The following DENND5A variants were observed in gnomAD, a reference collection of about 807,000 sequenced individuals.
DENND5A encodes the protein DENN domain-containing protein 5A.
Under a neutral mutation model 140.3 loss-of-function variants are expected in DENND5A, and 64 were observed. The ratio of observed to expected loss-of-function variants is 0.46; its 90% CI spans 0.37 to 0.56. The LOEUF is 0.56. DENND5A is among the 20% of genes least tolerant of loss of function. The pLI, the probability that DENND5A is intolerant of heterozygous loss-of-function variation, is 0.00. For synonymous variants in DENND5A, 605 were observed against 607.7 expected, an observed-to-expected ratio of 1.00 and a Z score of 0.07; for missense variants, 1,292 against 1,593.8, an observed-to-expected ratio of 0.81 and a Z score of 3.22.
chr11:9,157,637 T>G (rs1437231235), intron 12 of DENND5A, among the ~76,000 whole-genome samples: 1 of 152,190 alleles, frequency 6.6e-6, no homozygotes, highest in Admixed American at 6.5e-5. Flanking sequence ...TCCAGCTGCA[T>G]CCATGTTGCT....
intron 5 of DENND5A, among the ~76,000 whole-genome samples, chr11:9,186,567 C>T (rs949435495): frequency 3.9e-5 from 6 of 152,202 alleles, no homozygotes; most frequent in Non-Finnish European, 8.8e-5. Flanking sequence ...TGGCTTTTCT[C>T]CCACTACTGT....
chr11:9,239,600 G>A (rs1402933541), intron 1 of DENND5A, among the ~76,000 whole-genome samples: 1 of 152,108 alleles, frequency 6.6e-6, no homozygotes, highest in Non-Finnish European at 1.5e-5. Flanking sequence ...CCAAGTAGCT[G>A]AGACTACAGG....
chr11:9,154,729 A>C (rs577999212), intron 12 of DENND5A, among the ~76,000 whole-genome samples: 1 of 136,952 alleles, frequency 7.3e-6, no homozygotes, highest in Non-Finnish European at 1.5e-5. Context: ...CAAATATTTG[A>C]AAAAAAAAAT....
chr11:9,218,270 C>CAA (rs369552032), intron 1 of DENND5A, among the ~76,000 whole-genome samples: 63 of 136,996 alleles, frequency 4.6e-4, no homozygotes, highest in African/African-American at 1.5e-3. Flanking sequence ...AAAAAATAAA[C>CAA]AAAAAAAAAA....
At chr11:9,141,169 G>A (rs865912422) in intron 22 of DENND5A, among the ~76,000 whole-genome samples, 3 of 152,118 alleles carry the variant, frequency 2.0e-5, no homozygotes, top group African/African-American at 4.8e-5. Flanking sequence ...AAGGGGCCAC[G>A]TTTTATTCAG....
rs1848169849 is a variant in DENND5A, at chr11:9,165,817, A to C, written c.2283+19T>G. On this transcript the variant is annotated intron_variant, in intron 11 of 22. Coordinates refer to ENST00000328194, the MANE Select transcript of DENND5A (RefSeq NM_015213.4). Reference sequence around the variant, plus strand: ...CTGCTAACAGAAATAGCACACATACAGAGATGTCCACAGCTTACCTTATTG... The same window carrying C: ...CTGCTAACAGAAATAGCACACATACCGAGATGTCCACAGCTTACCTTATTG... 1 of 1,613,454 alleles carries C rather than the reference A, an allele frequency of 6.2e-7. No individual in the cohort carries two copies. The highest frequency in any genetic ancestry group is 8.5e-7 in the Non-Finnish European group (1 of 1,179,530).
At chr11:9,170,977 T>C in intron 8 of DENND5A, 200 bp from the exon 9 acceptor site, 3 of 908,452 alleles carry the variant, frequency 3.3e-6, no homozygotes, top group Non-Finnish European at 4.8e-6. Context: ...ATACTGGACA[T>C]CAGGCAATGA....
At chr11:9,151,295 T>C (rs1027809794) in intron 13 of DENND5A, among the ~76,000 whole-genome samples, 1 of 152,242 alleles carries the variant, frequency 6.6e-6, no homozygotes, top group Non-Finnish European at 1.5e-5. Context: ...AATACCTTTA[T>C]ATCCTCATGT....
chr11:9,211,214 C>T (rs1849866190), intron 1 of DENND5A, among the ~76,000 whole-genome samples: 1 of 152,074 alleles, frequency 6.6e-6, no homozygotes, highest in Non-Finnish European at 1.5e-5. Context: ...CAAACCACAG[C>T]AGCTGGGAAG....
At chr11:9,159,943 A>C (rs779756406) in intron 12 of DENND5A, among the ~76,000 whole-genome samples, 1 of 152,222 alleles carries the variant, frequency 6.6e-6, no homozygotes, top group Admixed American at 6.5e-5. Flanking sequence ...GCTCTGAAGA[A>C]CATGTGTGGA....
chr11:9,144,464 T>A (rs1847354394), intron 18 of DENND5A, among the ~76,000 whole-genome samples, 186 bp from the exon 19 acceptor site: 2 of 152,178 alleles, frequency 1.3e-5, no homozygotes, highest in African/African-American at 4.8e-5. Context: ...GCCTGGGATC[T>A]GGGCACAGCA....
intron 4 of DENND5A, among the ~76,000 whole-genome samples, chr11:9,194,777 T>C (rs1449428361): frequency 6.6e-6 from 1 of 151,616 alleles, no homozygotes; most frequent in Non-Finnish European, 1.5e-5. Flanking sequence ...TAGAGTGCAG[T>C]GGCACCATCT....
chr11:9,264,853 C>G (rs1053136666), intron 1 of DENND5A, 108 bp downstream of exon 1: 2 of 1,023,450 alleles, frequency 2.0e-6, no homozygotes. Context: ...TCCTCCCGGC[C>G]GACACTCGCC....
intron 12 of DENND5A, among the ~76,000 whole-genome samples, chr11:9,159,502 G>A (rs1847912237): frequency 6.6e-6 from 1 of 151,974 alleles, no homozygotes; most frequent in African/African-American, 2.4e-5. Flanking sequence ...ATTTTTGGTA[G>A]AGACGGGGTT....
intron 1 of DENND5A, among the ~76,000 whole-genome samples, chr11:9,216,573 G>A (rs1362646240): frequency 6.6e-6 from 1 of 152,224 alleles, no homozygotes; most frequent in Non-Finnish European, 1.5e-5. Flanking sequence ...ACCTTTCAAA[G>A]TGGGGATAAA....
At chr11:9,259,519 T>C (rs1852099158) in intron 1 of DENND5A, among the ~76,000 whole-genome samples, 1 of 151,976 alleles carries the variant, frequency 6.6e-6, no homozygotes, top group Non-Finnish European at 1.5e-5. Flanking sequence ...TGAGCCGAGA[T>C]CGTGCCACTG....
intron 1 of DENND5A, among the ~76,000 whole-genome samples, chr11:9,223,564 T>G (rs1850405902): frequency 6.7e-6 from 1 of 149,850 alleles, no homozygotes; most frequent in Admixed American, 6.6e-5. Flanking sequence ...ATTAAAAAAA[T>G]TAAATTAGCA....
At chr11:9,224,688 G>A (rs1406449273) in intron 1 of DENND5A, among the ~76,000 whole-genome samples, 3 of 151,692 alleles carry the variant, frequency 2.0e-5, no homozygotes, top group South Asian at 2.1e-4. Context: ...GTGAAAACCC[G>A]TCTTTACTAA....
At chr11:9,148,858 A>G (rs1283234345) in intron 15 of DENND5A, among the ~76,000 whole-genome samples, 5 of 152,234 alleles carry the variant, frequency 3.3e-5, no homozygotes, top group African/African-American at 1.2e-4. Context: ...TCCTGCTTAG[A>G]GGTGAGAGAA....
Sources: allele counts gnomAD v4.1 joint callset (sites outside exome capture counted in the v4.1 genomes callset), GRCh38; gene constraint gnomAD v4.1.1; transcripts MANE v1.5; gene names NCBI Gene and HGNC (gene_info 2026-07-23, HGNC 2026-07-21).